Variants in GPR158 observed in about 807,000 individuals in gnomAD.
GPR158 encodes G protein-coupled receptor 158.
In GPR158, 30 loss-of-function variants were observed where a neutral mutation model predicts 78.2. That is an observed-to-expected ratio of 0.38 (90% CI 0.29 to 0.52). The LOEUF is 0.52. Among genes scored for constraint, GPR158 ranks in the 20% least tolerant of loss-of-function variants. The pLI, the probability that GPR158 is intolerant of heterozygous loss-of-function variation, is 0.83. For synonymous variants in GPR158, 581 were observed against 591.1 expected (o/e 0.98, Z 0.25); for missense variants, 1,463 against 1,523.5 (o/e 0.96, Z 0.66).
chr10:25,358,087 C>CT (rs1228041672), intron 2 of GPR158, among the ~76,000 whole-genome samples: 1 of 152,122 alleles, frequency 6.6e-6, no homozygotes, highest in African/African-American at 2.4e-5. Flanking sequence ...GCATTTCAGA[C>CT]TGGCATGGGG....
At position 25,176,924 on chromosome 10, in the gene GPR158, G is replaced by A. The variant is rs1040360494; in HGVS notation, c.902+602G>A. Among the ~76,000 whole-genome samples the A allele has an allele frequency of 1.3e-5, 2 of 152,100 alleles. No homozygotes were observed. The highest frequency in any genetic ancestry group is 6.6e-5 in the Admixed American group (1 of 15,266). ...CAGTCCCAGCAGCTAGCTGTCTCTG[G>A]GATCCAGACTTTGCAGCTTGGTCAG... On this transcript the variant is annotated intron_variant, in intron 1 of 10. Coordinates refer to ENST00000376351, the MANE Select transcript of GPR158 (RefSeq NM_020752.3). This position sits in a 1 kb window ranked among gnomAD's most constrained non-coding sequence, Gnocchi z 6.3.
chr10:25,376,546 A>G (rs1046310744), intron 2 of GPR158, among the ~76,000 whole-genome samples: 6 of 151,640 alleles, frequency 4.0e-5, no homozygotes, highest in Admixed American at 3.3e-4. Flanking sequence ...TAAACCATAC[A>G]TATTGATTTA....
intron 2 of GPR158, among the ~76,000 whole-genome samples, chr10:25,282,425 C>G (rs1183569143): frequency 6.6e-6 from 1 of 152,142 alleles, no homozygotes; most frequent in African/African-American, 2.4e-5. Context: ...ATTATGCTTA[C>G]AATTTATAAA....
intron 2 of GPR158, chr10:25,244,832 T>C (rs1263737613): frequency 2.0e-5 from 3 of 151,348 alleles, no homozygotes; most frequent in Non-Finnish European, 4.4e-5. Flanking sequence ...CTTACCTCTT[T>C]GTATCCTAGA....
At chr10:25,285,309 A>C (rs920484053) in intron 2 of GPR158, among the ~76,000 whole-genome samples, 1 of 151,918 alleles carries the variant, frequency 6.6e-6, no homozygotes, top group African/African-American at 2.4e-5. Context: ...GTATGTATGT[A>C]TGTGTCTGTC....
Position 25,176,198 on chromosome 10 carries a change from A to C in GPR158, c.778A>C (p.Lys260Gln). 1 of 1,583,560 alleles carries C rather than the reference A, an allele frequency of 6.3e-7. No homozygotes were observed. Among genetic ancestry groups the C allele is most frequent in the Non-Finnish European group, 8.6e-7 (1 of 1,165,904 alleles). Residue 260 changes from lysine (K) to glutamine (Q), a missense_variant, in exon 1 of 11, where the codon AAG becomes CAG. Physicochemically the swap from Lys to Gln is moderately conservative, Grantham distance 53 (BLOSUM62 1). Transcript: ENST00000376351. The surrounding 1 kb of genome is among the most constrained non-coding windows in gnomAD (Gnocchi z 6.3). The part of the protein sequence containing the change: ...WRRKDGLGGD[K>Q]SHFKWSPPYL... The stretch of plus-strand genomic sequence containing the variant: ...GCGCAAGGACGGGCTCGGCGGGGAC[A>C]AGAGCCACTTCAAGTGGTCTCCGCC...
intron 2 of GPR158, among the ~76,000 whole-genome samples, chr10:25,386,411 G>T (rs2130513907): frequency 6.6e-6 from 1 of 152,236 alleles, no homozygotes; most frequent in East Asian, 1.9e-4. Context: ...TTGTTTTGAT[G>T]ATTTCGGGTG....
chr10:25,304,595 CTCTA>C (rs1485051896), intron 2 of GPR158, among the ~76,000 whole-genome samples: 2 of 151,912 alleles, frequency 1.3e-5, no homozygotes, highest in African/African-American at 4.8e-5. Flanking sequence ...ACATATATAA[CTCTA>C]TATATAGAGA....
At chr10:25,436,846 C>T (rs1032269752) in intron 4 of GPR158, among the ~76,000 whole-genome samples, 1 of 152,108 alleles carries the variant, frequency 6.6e-6, no homozygotes, top group African/African-American at 2.4e-5. Flanking sequence ...ATTCTGAGCT[C>T]TTTCAGGGAA....
intron 2 of GPR158, among the ~76,000 whole-genome samples, chr10:25,369,918 T>G (rs1014124151): frequency 7.9e-5 from 12 of 151,328 alleles, no homozygotes; most frequent in Admixed American, 3.3e-4. Context: ...GTCAAGGAAT[T>G]TATCCATTTC....
intron 1 of GPR158, among the ~76,000 whole-genome samples, chr10:25,177,994 C>T (rs1276346864): frequency 6.6e-6 from 1 of 152,046 alleles, no homozygotes; most frequent in African/African-American, 2.4e-5. Context: ...AGATGCTATT[C>T]ACTGCCAGCA....
intron 5 of GPR158, among the ~76,000 whole-genome samples, chr10:25,528,968 C>T (rs1443025430): frequency 3.3e-5 from 5 of 152,170 alleles, no homozygotes; most frequent in Non-Finnish European, 1.5e-5. Context: ...TACACATATA[C>T]TGTCAATTGA....
chr10:25,429,594 T>A (rs1162953889), intron 4 of GPR158, among the ~76,000 whole-genome samples: 1 of 152,024 alleles, frequency 6.6e-6, no homozygotes, highest in Non-Finnish European at 1.5e-5. Flanking sequence ...GCAAGAACAT[T>A]GATGCAAAAA....
At chr10:25,493,724 C>T (rs1835841989) in intron 5 of GPR158, among the ~76,000 whole-genome samples, 1 of 152,068 alleles carries the variant, frequency 6.6e-6, no homozygotes, top group South Asian at 2.1e-4. Flanking sequence ...CAAAGTTAAC[C>T]ATATAGATTA....
intron 2 of GPR158, among the ~76,000 whole-genome samples, chr10:25,370,324 T>C (rs1336800350): frequency 2.0e-5 from 3 of 147,144 alleles, no homozygotes; most frequent in Non-Finnish European, 4.5e-5. Flanking sequence ...AATTTCCCTC[T>C]ACACACTGCT....
chr10:25,193,227 A>G (rs1852797702), intron 1 of GPR158, among the ~76,000 whole-genome samples: 1 of 152,214 alleles, frequency 6.6e-6, no homozygotes, highest in Admixed American at 6.5e-5. Flanking sequence ...AATAAAAATA[A>G]TAAGTAATTA....
intron 2 of GPR158, among the ~76,000 whole-genome samples, chr10:25,326,233 G>A (rs1414351797): frequency 6.6e-6 from 1 of 152,166 alleles, no homozygotes; most frequent in Non-Finnish European, 1.5e-5. Context: ...GCGTTAGTTT[G>A]CTGAGGATAA....
chr10:25,276,809 G>T (rs981802062), intron 2 of GPR158, among the ~76,000 whole-genome samples: 1 of 152,120 alleles, frequency 6.6e-6, no homozygotes, highest in Non-Finnish European at 1.5e-5. Context: ...GAGATTTTAA[G>T]TCAAGAAAAG....
At chr10:25,314,907 C>T (rs1364509544) in intron 2 of GPR158, among the ~76,000 whole-genome samples, 1 of 14,110 alleles carries the variant, frequency 7.1e-5, no homozygotes, top group Non-Finnish European at 4.1e-4. Flanking sequence ...TTTACACATA[C>T]ACACACACAC....
Sources: allele counts gnomAD v4.1 joint callset (sites outside exome capture counted in the v4.1 genomes callset), GRCh38; gene constraint gnomAD v4.1.1; non-coding constraint Gnocchi (gnomAD v3.1); transcripts MANE v1.5; gene names NCBI Gene and HGNC (gene_info 2026-07-23, HGNC 2026-07-21).